The following WWOX variants were observed in gnomAD, a reference collection of about 807,000 sequenced individuals.
WWOX encodes WW domain-containing oxidoreductase.
Under a neutral mutation model 46.2 loss-of-function variants are expected in WWOX, and 69 were observed. The ratio of observed to expected loss-of-function variants is 1.49; its 90% CI spans 1.23 to 1.82. The LOEUF is 1.82. Among genes scored for constraint, WWOX ranks in the 40% most tolerant of loss-of-function variants. The pLI, the probability that WWOX is intolerant of heterozygous loss-of-function variation, is 0.00. For missense variants in WWOX, 919 were observed against 542.6 expected, an observed-to-expected ratio of 1.69 and a Z score of -6.89; for synonymous variants, 359 against 202.6, an observed-to-expected ratio of 1.77 and a Z score of -6.56.
intron 8 of WWOX, among the ~76,000 whole-genome samples, chr16:78,566,992 A>C (rs1375911221): frequency 6.6e-6 from 1 of 152,194 alleles, no homozygotes; most frequent in Non-Finnish European, 1.5e-5. Flanking sequence ...AGAAACTCAC[A>C]TGTGTGTGCT....
chr16:78,845,132 TC>T (rs1485147672), intron 8 of WWOX, among the ~76,000 whole-genome samples: 3 of 138,686 alleles, frequency 2.2e-5, no homozygotes, highest in Admixed American at 7.4e-5. Context: ...TATCTTGCTG[TC>T]TTTTTTTTTT....
intron 5 of WWOX, among the ~76,000 whole-genome samples, chr16:78,247,313 A>C (rs993361625): frequency 6.6e-6 from 1 of 152,146 alleles, no homozygotes; most frequent in Non-Finnish European, 1.5e-5. Context: ...ACTTTTATTA[A>C]TACTTTTAAG....
intron 8 of WWOX, among the ~76,000 whole-genome samples, chr16:78,745,090 A>T (rs1046426605): frequency 1.4e-5 from 2 of 148,136 alleles, no homozygotes; most frequent in African/African-American, 4.9e-5. Context: ...CTCAAGAGGT[A>T]AAAAAAACTG....
intron 8 of WWOX, among the ~76,000 whole-genome samples, chr16:78,888,847 C>A (rs1281759481): frequency 6.6e-6 from 1 of 151,914 alleles, no homozygotes; most frequent in Admixed American, 6.6e-5. Context: ...TCAACTATGT[C>A]TCAAGACTGC....
chr16:78,359,470 C>G (rs191507259), intron 5 of WWOX, among the ~76,000 whole-genome samples: 20 of 152,078 alleles, frequency 1.3e-4, no homozygotes, highest in African/African-American at 4.8e-4. Context: ...TATAAAGGAT[C>G]GATAGTTGGT....
chr16:78,404,872 A>G (rs1316491406), intron 6 of WWOX, among the ~76,000 whole-genome samples: 1 of 152,234 alleles, frequency 6.6e-6, no homozygotes, highest in African/African-American at 2.4e-5. Context: ...CAGGAGAAAA[A>G]TGGAAACAAC....
intron 8 of WWOX, among the ~76,000 whole-genome samples, chr16:78,889,105 C>A (rs2044531680): frequency 6.6e-6 from 1 of 152,134 alleles, no homozygotes; most frequent in Admixed American, 6.5e-5. Flanking sequence ...GCTTCACTGC[C>A]TGCCCTGTGG....
intron 8 of WWOX, among the ~76,000 whole-genome samples, chr16:78,989,458 C>G (rs972695741): frequency 6.6e-6 from 1 of 152,198 alleles, no homozygotes; most frequent in Non-Finnish European, 1.5e-5. Flanking sequence ...CCCATGCTGG[C>G]TTGCAGGCTG....
At chr16:78,700,312 CAGAGAGAGAGAGAG>C (rs55638553) in intron 8 of WWOX, among the ~76,000 whole-genome samples, 17,720 of 130,382 alleles carry the variant, frequency 0.14, 1,395 homozygotes, top group African/African-American at 0.22. Flanking sequence ...ACTTAGTAGA[CAGAGAGAGAGAGAG>C]AGAGAGAGAG....
intron 5 of WWOX, among the ~76,000 whole-genome samples, chr16:78,381,942 G>A (rs2081965032): frequency 6.6e-6 from 1 of 152,086 alleles, no homozygotes; most frequent in Admixed American, 6.6e-5. Flanking sequence ...CATGTCTCAC[G>A]GCAGCCTCGA....
intron 5 of WWOX, among the ~76,000 whole-genome samples, chr16:78,241,777 T>A (rs543451302): frequency 1.3e-5 from 2 of 152,112 alleles, no homozygotes; most frequent in Admixed American, 1.3e-4. Flanking sequence ...TATTATGACA[T>A]CATTGCTCAG....
chr16:78,213,131 A>T (rs966406143), intron 5 of WWOX, among the ~76,000 whole-genome samples: 2 of 151,566 alleles, frequency 1.3e-5, no homozygotes, highest in Non-Finnish European at 2.9e-5. Flanking sequence ...TGCACCTGTA[A>T]TCCCAGCTAC....
chr16:79,179,776 C>T (rs1311280199), intron 8 of WWOX, among the ~76,000 whole-genome samples: 3 of 152,198 alleles, frequency 2.0e-5, no homozygotes, highest in Non-Finnish European at 2.9e-5. Flanking sequence ...AACCTTGAAT[C>T]CCTTAACTCC....
chr16:78,131,833 G>A (rs1158746741), intron 4 of WWOX, among the ~76,000 whole-genome samples: 1 of 149,138 alleles, frequency 6.7e-6, no homozygotes, highest in Non-Finnish European at 1.5e-5. Flanking sequence ...ATCCTCCTAC[G>A]TCGGCCTCCC....
chr16:78,787,662 T>A (rs2050491200), intron 8 of WWOX, among the ~76,000 whole-genome samples: 1 of 152,214 alleles, frequency 6.6e-6, no homozygotes, highest in Non-Finnish European at 1.5e-5. Flanking sequence ...ACTCCTGTTT[T>A]CCATTCTTGG....
At chr16:78,404,297 G>A (rs1007171816) in intron 6 of WWOX, among the ~76,000 whole-genome samples, 1 of 152,096 alleles carries the variant, frequency 6.6e-6, no homozygotes, top group Non-Finnish European at 1.5e-5. Flanking sequence ...CGGGGATTTT[G>A]TAATTCAACA....
intron 8 of WWOX, among the ~76,000 whole-genome samples, chr16:78,695,334 C>G (rs1038662915): frequency 6.6e-6 from 1 of 152,040 alleles, no homozygotes; most frequent in Admixed American, 6.6e-5. Flanking sequence ...AATTTGAATC[C>G]TCCCATATGT....
At chr16:78,528,373 G>C (rs978276515) in intron 8 of WWOX, among the ~76,000 whole-genome samples, 1 of 151,474 alleles carries the variant, frequency 6.6e-6, no homozygotes, top group Non-Finnish European at 1.5e-5. Flanking sequence ...TGAGTAATTA[G>C]CAAAGAATTA....
At chr16:79,123,298 C>T (rs1216659548) in intron 8 of WWOX, among the ~76,000 whole-genome samples, 1 of 151,908 alleles carries the variant, frequency 6.6e-6, no homozygotes, top group Non-Finnish European at 1.5e-5. Context: ...TAGACGCCCT[C>T]CTAGGATTAC....
Sources: allele counts gnomAD v4.1 joint callset (sites outside exome capture counted in the v4.1 genomes callset), GRCh38; gene constraint gnomAD v4.1.1; transcripts MANE v1.5; gene names NCBI Gene and HGNC (gene_info 2026-07-23, HGNC 2026-07-21).